Variants in CNTNAP5 observed in about 807,000 individuals in gnomAD.
CNTNAP5 encodes the protein contactin-associated protein-like 5.
In CNTNAP5, 72 loss-of-function variants were observed where a neutral mutation model predicts 150.2. The observed-to-expected ratio is 0.48, with a 90% CI of 0.40 to 0.58. The LOEUF (loss-of-function observed/expected upper bound fraction) is 0.58, where lower values mean the gene tolerates loss of function less well. Among genes scored for constraint, CNTNAP5 ranks in the 20% least tolerant of loss-of-function variants. CNTNAP5 has a pLI of 0.00. For missense variants in CNTNAP5, 1,636 were observed against 1,626.2 expected (o/e 1.01, Z -0.10); for synonymous variants, 672 against 619.8 (o/e 1.08, Z -1.25).
intron 3 of CNTNAP5, among the ~76,000 whole-genome samples, chr2:124,285,870 T>C (rs17011306): frequency 0.012 from 1,760 of 152,224 alleles, 30 homozygotes; most frequent in African/African-American, 0.034. Context: ...CCTGGGTATG[T>C]AAATCTTGTT....
At chr2:124,163,047 A>C (rs1684724048) in intron 1 of CNTNAP5, among the ~76,000 whole-genome samples, 1 of 152,160 alleles carries the variant, frequency 6.6e-6, no homozygotes, top group South Asian at 2.1e-4. Flanking sequence ...TAACTGGTAC[A>C]TTCTTGAACC....
At chr2:124,415,713 A>T (rs930327672) in intron 3 of CNTNAP5, among the ~76,000 whole-genome samples, 17 of 152,186 alleles carry the variant, frequency 1.1e-4, no homozygotes, top group African/African-American at 4.1e-4. Flanking sequence ...ATCCCATCTT[A>T]AAGATGAGGT....
chr2:124,892,515 G>A (rs1167591915), intron 21 of CNTNAP5, among the ~76,000 whole-genome samples: 3 of 152,110 alleles, frequency 2.0e-5, no homozygotes, highest in Admixed American at 1.3e-4. Flanking sequence ...TATAACATGA[G>A]TTCTGAAGCA....
intron 3 of CNTNAP5, among the ~76,000 whole-genome samples, chr2:124,352,231 T>C (rs1198311672): frequency 6.6e-6 from 1 of 152,180 alleles, no homozygotes; most frequent in African/African-American, 2.4e-5. Flanking sequence ...TTAAGTTGTA[T>C]ACTGGTCATC....
intron 12 of CNTNAP5, 89 bp from the exon 13 acceptor site, chr2:124,647,669 C>T (rs931065233): frequency 1.7e-6 from 2 of 1,200,240 alleles, no homozygotes; most frequent in Non-Finnish European, 2.3e-6. Context: ...ATTAATGTTG[C>T]ACGCTGAGTG....
intron 3 of CNTNAP5, among the ~76,000 whole-genome samples, chr2:124,362,382 A>G (rs186663044): frequency 6.6e-6 from 1 of 152,236 alleles, no homozygotes; most frequent in Non-Finnish European, 1.5e-5. Flanking sequence ...CCTGAAAGCG[A>G]TAAAGAGGAT....
chr2:124,077,297 A>G (rs1368359739), intron 1 of CNTNAP5, among the ~76,000 whole-genome samples: 2 of 152,130 alleles, frequency 1.3e-5, no homozygotes, highest in Non-Finnish European at 1.5e-5. Flanking sequence ...TTACAGGTAT[A>G]ACCAGATAAT....
rs144283157 is a variant in CNTNAP5 at position 124,467,869 on chromosome 2, T to C, written c.919-6870T>C. 3.9e-5 allele frequency among the ~76,000 whole-genome samples: 6 copies of C among 152,328 alleles called. No homozygotes were observed. In the East Asian group the frequency reaches 1.2e-3, roughly 29 times the overall value. On this transcript the variant is annotated intron_variant, in intron 6 of 23. Transcript: ENST00000682447. ...GCTCATCAGCCTCTGTTGCTTCTAA[T>C]GGTAGAAAAATCTAACCTTGATGAT...
intron 10 of CNTNAP5, among the ~76,000 whole-genome samples, chr2:124,559,422 T>C (rs1268505892): frequency 6.6e-6 from 1 of 152,204 alleles, no homozygotes; most frequent in African/African-American, 2.4e-5. Context: ...CACCAGGGCT[T>C]TGGGGAGTAA....
intron 13 of CNTNAP5, among the ~76,000 whole-genome samples, chr2:124,675,885 A>G (rs1271635747): frequency 1.3e-5 from 2 of 151,642 alleles, no homozygotes; most frequent in African/African-American, 4.8e-5. Context: ...GTTTTTGTTG[A>G]CTTTTGTTCT....
At chr2:124,553,877 C>G (rs890689357) in intron 10 of CNTNAP5, among the ~76,000 whole-genome samples, 1 of 152,064 alleles carries the variant, frequency 6.6e-6, no homozygotes. Flanking sequence ...TGTGCAGAGC[C>G]TGATGGAGAA....
intron 3 of CNTNAP5, among the ~76,000 whole-genome samples, chr2:124,328,627 C>A (rs527631300): frequency 2.0e-5 from 3 of 152,120 alleles, no homozygotes; most frequent in African/African-American, 7.2e-5. Flanking sequence ...TTTGTTCCTG[C>A]AGAGGATAAA....
chr2:124,435,325 G>A (rs1050339253), intron 5 of CNTNAP5, among the ~76,000 whole-genome samples: 1 of 152,048 alleles, frequency 6.6e-6, no homozygotes, highest in Non-Finnish European at 1.5e-5. Flanking sequence ...TGCACTCCAG[G>A]CAGGTCGCGT....
chr2:124,359,499 G>T lies in CNTNAP5; in HGVS notation c.382-57944G>T, dbSNP rs537284896. 1.4e-3 allele frequency among the ~76,000 whole-genome samples: 214 copies of T among 151,500 alleles called. 1 individual carries two copies. The highest frequency in any genetic ancestry group is 4.8e-3 in the African/African-American group (197 of 41,038). ...GAATGCGTCACAGAGATTCTGGTAT[G>T]TTGTGTCTTTGTTCTCGTTGGTTTC... On this transcript the variant is annotated intron_variant, in intron 3 of 23. Coordinates refer to ENST00000682447, the MANE Select transcript of CNTNAP5 (RefSeq NM_001367498.1).
intron 11 of CNTNAP5, among the ~76,000 whole-genome samples, chr2:124,595,985 TC>T (rs1696819619): frequency 1.2e-5 from 1 of 81,532 alleles, no homozygotes; most frequent in African/African-American, 5.0e-5. Flanking sequence ...GGTGGTGATA[TC>T]CCCTTTATCA....
intron 19 of CNTNAP5, among the ~76,000 whole-genome samples, chr2:124,860,695 C>A (rs746413168): frequency 4.6e-5 from 7 of 151,968 alleles, no homozygotes; most frequent in African/African-American, 1.4e-4. Flanking sequence ...TTGATTTGTG[C>A]GAGTTAGGCA....
chr2:124,133,465 G>A (rs1683907323), intron 1 of CNTNAP5, among the ~76,000 whole-genome samples: 1 of 152,100 alleles, frequency 6.6e-6, no homozygotes, highest in Non-Finnish European at 1.5e-5. Context: ...TCTCTTTAAA[G>A]GGCCTGGTCA....
intron 1 of CNTNAP5, among the ~76,000 whole-genome samples, chr2:124,204,331 C>A (rs1685808294): frequency 6.6e-6 from 1 of 152,168 alleles, no homozygotes; most frequent in East Asian, 1.9e-4. Flanking sequence ...GTCCATATCA[C>A]CATCAGCATT....
At chr2:124,799,351 C>A (rs906606709) in intron 19 of CNTNAP5, among the ~76,000 whole-genome samples, 4 of 152,208 alleles carry the variant, frequency 2.6e-5, no homozygotes, top group African/African-American at 7.2e-5. Flanking sequence ...TAATTCCACC[C>A]TGCAAGGATG....
Sources: gnomAD v4.1 joint callset for allele counts (sites outside exome capture counted in the v4.1 genomes callset) on GRCh38, gnomAD v4.1.1 for gene constraint, MANE v1.5 for transcripts, NCBI Gene and HGNC (gene_info 2026-07-23, HGNC 2026-07-21) for gene names.